The following CSGALNACT1 variants were observed in gnomAD, a reference collection of about 807,000 sequenced individuals.
CSGALNACT1 encodes chondroitin sulfate N-acetylgalactosaminyltransferase 1, also known as beta4GalNAcT-1.
A neutral mutation model predicts 51.0 loss-of-function variants in CSGALNACT1; 52 were observed. The ratio of observed to expected loss-of-function variants is 1.02; its 90% CI spans 0.82 to 1.29. The LOEUF (loss-of-function observed/expected upper bound fraction) is 1.29, where lower values mean the gene tolerates loss of function less well. CSGALNACT1 is among the 50% of genes most tolerant of loss of function. The pLI is 0.00. For missense variants in CSGALNACT1, 935 were observed against 679.2 expected, an observed-to-expected ratio of 1.38 and a Z score of -4.19; for synonymous variants, 341 against 254.4, an observed-to-expected ratio of 1.34 and a Z score of -3.24.
chr8:19,442,141 C>T (rs545873190), intron 5 of CSGALNACT1, among the ~76,000 whole-genome samples: 1 of 152,150 alleles, frequency 6.6e-6, no homozygotes, highest in African/African-American at 2.4e-5. Context: ...CTAGTTCAAC[C>T]ATTGTGGAAG....
intron 6 of CSGALNACT1, among the ~76,000 whole-genome samples, chr8:19,427,140 A>C (rs892793308): frequency 6.6e-6 from 1 of 152,160 alleles, no homozygotes; most frequent in African/African-American, 2.4e-5. Context: ...GAGCTTCTTT[A>C]AGCCTGTTTT....
intron 4 of CSGALNACT1, among the ~76,000 whole-genome samples, chr8:19,469,196 T>C (rs2067476949): frequency 6.6e-6 from 1 of 152,014 alleles, no homozygotes; most frequent in Non-Finnish European, 1.5e-5. Flanking sequence ...TCGAGAGCAG[T>C]CTGGGAAACA....
rs573708099 is a variant in CSGALNACT1 at position 19,548,510 on chromosome 8, G to T, written c.-296-42380C>A. On this transcript the variant is annotated intron_variant, in intron 3 of 9. Transcript: ENST00000454498. ...ATTATTCACATGAAACTAAACAATAGATTACTTTTCAATATATTCCAAAAA... is the reference window on the plus strand; with the variant it reads ...ATTATTCACATGAAACTAAACAATATATTACTTTTCAATATATTCCAAAAA... Among the ~76,000 whole-genome samples the T allele has an allele frequency of 2.6e-5, 4 of 151,996 alleles. No homozygotes were observed. The South Asian group carries it at 6.2e-4, about 24-fold the overall frequency.
At chr8:19,705,188 T>G (rs1589610990) in intron 1 of CSGALNACT1, among the ~76,000 whole-genome samples, 1 of 152,204 alleles carries the variant, frequency 6.6e-6, no homozygotes, top group East Asian at 1.9e-4. Flanking sequence ...GTATGTAATT[T>G]TTGCCAATTA....
At chr8:19,675,247 G>A (rs1035508539) in intron 1 of CSGALNACT1, among the ~76,000 whole-genome samples, 5 of 152,110 alleles carry the variant, frequency 3.3e-5, no homozygotes, top group African/African-American at 9.7e-5. Flanking sequence ...AACAAAATCA[G>A]GCAGGATGTA....
chr8:19,611,126 C>G (rs971680013), intron 1 of CSGALNACT1, among the ~76,000 whole-genome samples: 11 of 152,198 alleles, frequency 7.2e-5, no homozygotes, highest in Non-Finnish European at 1.3e-4. Context: ...AATTAAGACA[C>G]CTGTTGCATG....
At chr8:19,707,032 A>T (rs2062211831) in intron 1 of CSGALNACT1, among the ~76,000 whole-genome samples, 1 of 152,130 alleles carries the variant, frequency 6.6e-6, no homozygotes, top group Non-Finnish European at 1.5e-5. Flanking sequence ...GGGGAAGGAG[A>T]GAGGCCGGGA....
At chr8:19,646,557 T>C (rs1360931179) in intron 1 of CSGALNACT1, among the ~76,000 whole-genome samples, 2 of 152,174 alleles carry the variant, frequency 1.3e-5, no homozygotes, top group African/African-American at 2.4e-5. Context: ...GCCCCTTATA[T>C]TGGTATAGGC....
At chr8:19,590,996 G>A (rs558877887) in intron 3 of CSGALNACT1, among the ~76,000 whole-genome samples, 1 of 152,192 alleles carries the variant, frequency 6.6e-6, no homozygotes, top group South Asian at 2.1e-4. Flanking sequence ...TTGTTCAAGG[G>A]ATACTGGAAA....
intron 3 of CSGALNACT1, among the ~76,000 whole-genome samples, chr8:19,506,870 C>T (rs1414928717): frequency 6.6e-6 from 1 of 152,192 alleles, no homozygotes; most frequent in Non-Finnish European, 1.5e-5. Flanking sequence ...GAACTGTGAG[C>T]CAGATAAACC....
At chr8:19,518,584 T>C (rs2080012088) in intron 3 of CSGALNACT1, among the ~76,000 whole-genome samples, 1 of 152,218 alleles carries the variant, frequency 6.6e-6, no homozygotes, top group South Asian at 2.1e-4. Context: ...CACTCAGTCC[T>C]TTTTCTGCTC....
chr8:19,405,751 A>T, exon 10 of CSGALNACT1: 1 of 1,613,920 alleles, frequency 6.2e-7, no homozygotes. Flanking sequence ...GGAAAGAAAA[A>T]GTGTCTCCCA....
At chr8:19,732,997 A>T (rs966864995) in intron 1 of CSGALNACT1, among the ~76,000 whole-genome samples, 4 of 152,240 alleles carry the variant, frequency 2.6e-5, no homozygotes, top group African/African-American at 9.6e-5. Flanking sequence ...TGGAGTACTT[A>T]TAATTTCAAA....
At chr8:19,507,439 T>C (rs1262299822) in intron 3 of CSGALNACT1, among the ~76,000 whole-genome samples, 1 of 146,700 alleles carries the variant, frequency 6.8e-6, no homozygotes, top group Non-Finnish European at 1.5e-5. Context: ...GTTCCTCCAC[T>C]CATCATGGAC....
intron 6 of CSGALNACT1, among the ~76,000 whole-genome samples, chr8:19,423,369 T>C (rs1027034748): frequency 2.0e-5 from 3 of 152,230 alleles, no homozygotes; most frequent in African/African-American, 4.8e-5. Context: ...CTACAAGTGA[T>C]TGATTAACTG....
intron 5 of CSGALNACT1, 114 bp downstream of exon 4, chr8:19,458,312 A>G (rs2064567549): frequency 1.1e-6 from 1 of 925,538 alleles, no homozygotes; most frequent in South Asian, 1.3e-5. Context: ...AGAGCTGAAT[A>G]AGAGAAAGGA....
intron 1 of CSGALNACT1, among the ~76,000 whole-genome samples, chr8:19,666,282 A>G (rs1425407194): frequency 6.6e-6 from 1 of 152,228 alleles, no homozygotes; most frequent in African/African-American, 2.4e-5. Flanking sequence ...TCCTCATATT[A>G]TAACTAGAGG....
chr8:19,677,948 T>C (rs2060315293), intron 1 of CSGALNACT1, among the ~76,000 whole-genome samples: 1 of 151,692 alleles, frequency 6.6e-6, no homozygotes, highest in African/African-American at 2.4e-5. Context: ...ATTCCCCAAC[T>C]CTACTGAAAA....
intron 3 of CSGALNACT1, among the ~76,000 whole-genome samples, chr8:19,556,574 T>C (rs1360078727): frequency 6.6e-6 from 1 of 152,152 alleles, no homozygotes; most frequent in Admixed American, 6.5e-5. Context: ...TGACCAATAG[T>C]GTTGTGCTCT....
Sources: allele counts gnomAD v4.1 joint callset (sites outside exome capture counted in the v4.1 genomes callset), GRCh38; gene constraint gnomAD v4.1.1; transcripts MANE v1.5; gene names NCBI Gene and HGNC (gene_info 2026-07-23, HGNC 2026-07-21).